Variants in DACH2 observed in about 807,000 individuals in gnomAD.
The protein encoded by DACH2 is dachshund homolog 2.
A neutral mutation model predicts 35.8 loss-of-function variants in DACH2; 17 were observed. That is an observed-to-expected ratio of 0.48 (90% CI 0.33 to 0.71). DACH2 has a LOEUF of 0.71. Ranked by LOEUF, DACH2 falls within the 30% of genes least tolerant of loss-of-function variation. The pLI, the probability that DACH2 is intolerant of heterozygous loss-of-function variation, is 0.02. For missense variants in DACH2, 469 were observed against 472.7 expected (o/e 0.99, Z 0.07); for synonymous variants, 195 against 177.3 (o/e 1.10, Z -0.79).
At chrX:86,483,982 A>G (rs755484661) in intron 2 of DACH2, among the ~76,000 whole-genome samples, 57 of 111,723 alleles carry the variant, frequency 5.1e-4, no homozygotes, top group Non-Finnish European at 7.5e-4. Flanking sequence ...AGTGTCATAT[A>G]TGTATGTACA....
chrX:86,754,368 A>G (rs903370755), intron 7 of DACH2, among the ~76,000 whole-genome samples: 1 of 111,439 alleles, frequency 9.0e-6, no homozygotes, highest in Non-Finnish European at 1.9e-5. Context: ...GGATATGGCA[A>G]TAAGTTCTAA....
At chrX:86,289,715 T>C (rs2034234032) in intron 1 of DACH2, among the ~76,000 whole-genome samples, 1 of 108,582 alleles carries the variant, frequency 9.2e-6, no homozygotes, top group Admixed American at 9.9e-5. Flanking sequence ...AATGATGATT[T>C]CCAATTTCCT....
intron 2 of DACH2, among the ~76,000 whole-genome samples, chrX:86,433,939 T>A (rs911667129): frequency 2.7e-5 from 3 of 111,642 alleles, no homozygotes; most frequent in African/African-American, 9.8e-5. Flanking sequence ...TTGTGAGAAC[T>A]GTTGTGTGAA....
At chrX:86,222,227 A>C (rs1408748136) in intron 1 of DACH2, among the ~76,000 whole-genome samples, 1 of 112,291 alleles carries the variant, frequency 8.9e-6, no homozygotes, top group Non-Finnish European at 1.9e-5. Context: ...ATATGTGAAG[A>C]GGAATCTCTC....
chrX:86,714,740 A>AAAGGACAAAGGT lies in DACH2; in HGVS notation c.1104+21_1104+32dup, dbSNP rs758664267. 99 of 1,108,076 alleles carry AAAGGACAAAGGT rather than the reference A, an allele frequency of 8.9e-5. No individual in the cohort carries two copies. The highest frequency in any genetic ancestry group is 1.1e-4 in the Non-Finnish European group (93 of 831,817). 91.3% of individuals were successfully genotyped at this position (1,108,076 alleles called of 1,213,427 possible). On this transcript the variant is annotated intron_variant, in intron 6 of 11. Transcript: ENST00000373125. ...ATAAAGGTAAGAATCGTGATTTAGA[A>AAAGGACAAAGGT]AAGGACAAAGGTGTCAATTTCATGC...
At chrX:86,802,473 T>C (rs778712286) in intron 7 of DACH2, among the ~76,000 whole-genome samples, 1 of 99,952 alleles carries the variant, frequency 1.0e-5, no homozygotes, top group South Asian at 4.7e-4. Context: ...GTCAGAACAG[T>C]AAATTTCCCT....
At chrX:86,274,486 C>CTTTT (rs1569324707) in intron 1 of DACH2, among the ~76,000 whole-genome samples, 5 of 12,165 alleles carry the variant, frequency 4.1e-4, no homozygotes, top group African/African-American at 3.0e-3. Flanking sequence ...GAGACGGAGT[C>CTTTT]TTTCTGTTTT....
At chrX:86,489,710 G>A (rs749636033) in intron 2 of DACH2, among the ~76,000 whole-genome samples, 4 of 111,259 alleles carry the variant, frequency 3.6e-5, no homozygotes, top group African/African-American at 6.5e-5. Context: ...TCTAAACCGC[G>A]TTCACTGTCA....
intron 2 of DACH2, among the ~76,000 whole-genome samples, chrX:86,395,802 G>C (rs2036277222): frequency 1.8e-5 from 2 of 111,882 alleles, no homozygotes; most frequent in South Asian, 7.4e-4. Flanking sequence ...GGACATTTGG[G>C]TTGGTTCCAA....
rs1282811000 is a variant in DACH2 at position 86,531,544 on chromosome X, C to T, written c.640+17153C>T. On this transcript the variant is annotated intron_variant, in intron 3 of 11. Transcript: ENST00000373125. ...TGCAAGCCCCAAGCATTGGCAGCTT[C>T]CACATGGTGTTGGGTCTACAGATGT... Among the ~76,000 whole-genome samples, 3 of 112,298 alleles carry T rather than the reference C, an allele frequency of 2.7e-5. No homozygotes were observed. The East Asian group carries it at 8.5e-4, about 32-fold the overall frequency.
At chrX:86,416,448 GCA>G (rs1172414651) in intron 2 of DACH2, among the ~76,000 whole-genome samples, 1 of 111,639 alleles carries the variant, frequency 9.0e-6, no homozygotes, top group East Asian at 2.8e-4. Flanking sequence ...GTGTGTGTGG[GCA>G]CACACATTTA....
intron 7 of DACH2, among the ~76,000 whole-genome samples, chrX:86,749,327 T>TA (rs1288819467): frequency 3.6e-5 from 4 of 111,917 alleles, no homozygotes; most frequent in African/African-American, 1.3e-4. Context: ...ATGCCTTCCT[T>TA]ACTAAGCTTA....
intron 1 of DACH2, among the ~76,000 whole-genome samples, chrX:86,349,420 A>G (rs1391364022): frequency 1.8e-5 from 2 of 111,516 alleles, no homozygotes; most frequent in Non-Finnish European, 3.8e-5. Context: ...TAGGCACAGG[A>G]TGGGGGCGTG....
chrX:86,626,973 A>C (rs1390817415), intron 3 of DACH2, among the ~76,000 whole-genome samples: 1 of 112,416 alleles, frequency 8.9e-6, no homozygotes, highest in African/African-American at 3.2e-5. Context: ...TACTTATGCA[A>C]ATTTCCGCAG....
intron 6 of DACH2, among the ~76,000 whole-genome samples, chrX:86,733,240 G>T (rs1295016260): frequency 9.0e-6 from 1 of 111,177 alleles, no homozygotes; most frequent in African/African-American, 3.3e-5. Context: ...TTAAACTTTG[G>T]GCAGTGTTTC....
intron 1 of DACH2, among the ~76,000 whole-genome samples, chrX:86,313,808 T>C (rs962634323): frequency 3.6e-5 from 4 of 111,883 alleles, no homozygotes; most frequent in African/African-American, 1.3e-4. Flanking sequence ...TTCTCAGGCA[T>C]TTCCTTTTTA....
intron 1 of DACH2, among the ~76,000 whole-genome samples, chrX:86,355,158 T>G (rs2035622127): frequency 8.9e-6 from 1 of 111,952 alleles, no homozygotes; most frequent in African/African-American, 3.3e-5. Flanking sequence ...TACGTGGTAT[T>G]TGGTTTTTTG....
chrX:86,610,402 T>TTTCTTTC (rs1399075679), intron 3 of DACH2, among the ~76,000 whole-genome samples: 7 of 86,309 alleles, frequency 8.1e-5, no homozygotes, highest in Non-Finnish European at 1.5e-4. Context: ...TCTTTCTTTC[T>TTTCTTTC]TTCTTTCTTT....
intron 5 of DACH2, among the ~76,000 whole-genome samples, chrX:86,710,046 A>T (rs369585229): frequency 8.9e-6 from 1 of 112,287 alleles, no homozygotes; most frequent in East Asian, 2.8e-4. Context: ...ACTTAAGTTC[A>T]CACAAAAACC....
Sources: allele counts gnomAD v4.1 joint callset (sites outside exome capture counted in the v4.1 genomes callset), GRCh38; gene constraint gnomAD v4.1.1; transcripts MANE v1.5; gene names NCBI Gene and HGNC (gene_info 2026-07-23, HGNC 2026-07-21).